The following SCN2A variants were observed in gnomAD, a reference collection of about 807,000 sequenced individuals.
SCN2A encodes the protein sodium voltage-gated channel alpha subunit 2.
Under a neutral mutation model 188.7 loss-of-function variants are expected in SCN2A, and 20 were observed. The ratio of observed to expected loss-of-function variants is 0.11; its 90% CI spans 0.07 to 0.15. The LOEUF (loss-of-function observed/expected upper bound fraction) is 0.15, where lower values mean the gene tolerates loss of function less well. SCN2A is among the 10% of genes least tolerant of loss of function. The probability of loss-of-function intolerance (pLI) is 1.00; values close to 1 mark genes in which losing one functional copy is unlikely to be tolerated. For synonymous variants in SCN2A, 804 were observed against 833.1 expected (o/e 0.97, Z 0.60); for missense variants, 1,278 against 2,445.0 (o/e 0.52, Z 10.07).
At position 165,310,621 on chromosome 2, in the gene SCN2A, A is replaced by G. The variant is rs774041625; in HGVS notation, c.970+26A>G. The G allele has an allele frequency of 3.3e-6, 5 of 1,532,866 alleles. No individual in the cohort carries two copies. The Admixed American group carries it at 7.0e-5, about 22-fold the overall frequency. 95.0% of individuals were successfully genotyped at this position (1,532,866 alleles called of 1,614,324 possible). A position where few individuals can be genotyped will look rare whatever the true frequency, so the allele number is the denominator to read the frequency against. On this transcript the variant is annotated intron_variant, in intron 7 of 26. Coordinates refer to ENST00000375437, the MANE Select transcript of SCN2A (RefSeq NM_001040142.2). ...GTAAGATATACTCTATAAACCATTA[A>G]GTTGTTTAGTTCTCTAAATATTAAA...
chr2:165,286,859 A>G (rs187179462), intron 1 of SCN2A, among the ~76,000 whole-genome samples: 3 of 152,288 alleles, frequency 2.0e-5, no homozygotes, highest in Non-Finnish European at 2.9e-5. Flanking sequence ...GGTGTGTCCA[A>G]TTCTTTCATC....
At chr2:165,249,784 A>G (rs909373280) in intron 1 of SCN2A, among the ~76,000 whole-genome samples, 2 of 152,100 alleles carry the variant, frequency 1.3e-5, no homozygotes, top group Non-Finnish European at 2.9e-5. Context: ...TGTCTATACT[A>G]CTTGATTTAT....
intron 16 of SCN2A, among the ~76,000 whole-genome samples, chr2:165,345,953 C>G (rs1479548671): frequency 1.3e-5 from 2 of 152,068 alleles, no homozygotes; most frequent in African/African-American, 4.8e-5. Context: ...GATTTTATTT[C>G]TCCTTTGCTT....
chr2:165,311,520 A>C (rs1306332620), intron 7 of SCN2A, among the ~76,000 whole-genome samples: 1 of 152,176 alleles, frequency 6.6e-6, no homozygotes, highest in Non-Finnish European at 1.5e-5. Flanking sequence ...TATTTACAGT[A>C]TCATAAGAGG....
At chr2:165,386,410 G>A (rs1291914244) in intron 25 of SCN2A, among the ~76,000 whole-genome samples, 1 of 152,014 alleles carries the variant, frequency 6.6e-6, no homozygotes, top group Non-Finnish European at 1.5e-5. Context: ...GTTGCAGTGA[G>A]CCAAGATCGT....
intron 1 of SCN2A, among the ~76,000 whole-genome samples, chr2:165,252,346 T>C (rs1323099887): frequency 6.6e-6 from 1 of 152,056 alleles, no homozygotes. Context: ...ATCATACAAG[T>C]TAACTGAAAA....
chr2:165,261,625 T>C (rs1694600653), intron 1 of SCN2A, among the ~76,000 whole-genome samples: 1 of 152,196 alleles, frequency 6.6e-6, no homozygotes, highest in African/African-American at 2.4e-5. Flanking sequence ...TTGAGATCAA[T>C]TTGGGACGTC....
chr2:165,382,785 G>A lies in SCN2A; in HGVS notation c.4551+1588G>A, dbSNP rs75135624. ...TATGAAATGTCCAGACTGAAATAAG[G>A]ATTTTAGCATTGTCAGAACAAAATT... On this transcript the variant is annotated intron_variant, in intron 25 of 26. Coordinates refer to ENST00000375437, the MANE Select transcript of SCN2A (RefSeq NM_001040142.2). Among the ~76,000 whole-genome samples, 429 of 152,248 alleles carry A rather than the reference G, an allele frequency of 2.8e-3. 2 individuals carry two copies. Among genetic ancestry groups the A allele is most frequent in the Middle Eastern group, 0.01 (3 of 294 alleles).
In SCN2A at chr2:165,290,760, A is replaced by G. The variant is rs902827490; in HGVS notation, c.-51-5013A>G. 1.1e-4 allele frequency: 107 copies of G among 985,230 alleles called. No individual in the cohort carries two copies. The African/African-American group carries it at 1.7e-3, about 16-fold the overall frequency. 61.0% of individuals were successfully genotyped at this position (985,230 alleles called of 1,614,324 possible). A position where few individuals can be genotyped will look rare whatever the true frequency, so the allele number is the denominator to read the frequency against. On this transcript the variant is annotated intron_variant, in intron 1 of 26. Transcript: ENST00000375437. ...ATATTGTGCGCTTGATTGCAGTAGG[A>G]CAACTTACTATGGGGAAGGAATCTT... is the stretch of plus-strand genomic sequence containing the variant.
intron 25 of SCN2A, among the ~76,000 whole-genome samples, chr2:165,381,935 A>T (rs1701624897): frequency 6.6e-6 from 1 of 152,036 alleles, no homozygotes; most frequent in African/African-American, 2.4e-5. Flanking sequence ...GTTTCTCAGA[A>T]ATCTTGACTC....
intron 11 of SCN2A, among the ~76,000 whole-genome samples, chr2:165,320,709 T>G (rs1366790922): frequency 6.6e-6 from 1 of 152,204 alleles, no homozygotes; most frequent in Non-Finnish European, 1.5e-5. Flanking sequence ...AGCTCTACAT[T>G]TGCCCCTTTC....
At chr2:165,266,251 C>A (rs1370358054) in intron 1 of SCN2A, among the ~76,000 whole-genome samples, 2 of 152,010 alleles carry the variant, frequency 1.3e-5, no homozygotes, top group African/African-American at 4.8e-5. Flanking sequence ...TATTCACCAC[C>A]ACCAACACTC....
At position 165,354,674 on chromosome 2, in the gene SCN2A, A is replaced by G. The variant is rs1158960337; in HGVS notation, c.3399+3A>G. The G allele has an allele frequency of 6.2e-7, 1 of 1,612,646 alleles. No individual in the cohort carries two copies. Among genetic ancestry groups the G allele is most frequent in the Non-Finnish European group, 8.5e-7 (1 of 1,179,720 alleles). ...CAGATATGGAGGAAAGCAAAGAGGTAAAAATGTTTAAATAAGGAGATATTT... is the reference window on the plus strand; with the variant it reads ...CAGATATGGAGGAAAGCAAAGAGGTGAAAATGTTTAAATAAGGAGATATTT... On this transcript the variant is annotated splice_donor_region_variant and intron_variant, in intron 17 of 26. Coordinates refer to ENST00000375437, the MANE Select transcript of SCN2A (RefSeq NM_001040142.2).
At chr2:165,274,782 C>T (rs536483482) in intron 1 of SCN2A, among the ~76,000 whole-genome samples, 3 of 152,320 alleles carry the variant, frequency 2.0e-5, no homozygotes, top group Non-Finnish European at 2.9e-5. Flanking sequence ...CTTTTCATAT[C>T]CGTAAAGCTG....
At chr2:165,345,872 C>A (rs189457912) in intron 16 of SCN2A, among the ~76,000 whole-genome samples, 1 of 151,836 alleles carries the variant, frequency 6.6e-6, no homozygotes, top group Non-Finnish European at 1.5e-5. Context: ...ATATTTAGTG[C>A]TTCCTTCAGG....
At chr2:165,280,758 G>A (rs989832944) in intron 1 of SCN2A, among the ~76,000 whole-genome samples, 3 of 152,086 alleles carry the variant, frequency 2.0e-5, no homozygotes, top group African/African-American at 7.2e-5. Context: ...ATCCAGACCT[G>A]CAGCTTTACC....
In SCN2A at chr2:165,250,007, A is replaced by G. The variant is rs554053245; in HGVS notation, c.-52+10367A>G. Among the ~76,000 whole-genome samples the G allele has an allele frequency of 2.0e-5, 3 of 152,138 alleles. No homozygotes were observed. The South Asian group carries it at 6.2e-4, about 32-fold the overall frequency. ...CTAACTCAAACGTCACTTCCTTTAT[A>G]ATGTTCTCTCTGTTTTCACATGCAG... On this transcript the variant is annotated intron_variant, in intron 1 of 26. Coordinates refer to ENST00000375437, the MANE Select transcript of SCN2A (RefSeq NM_001040142.2).
intron 3 of SCN2A, among the ~76,000 whole-genome samples, chr2:165,299,951 T>C (rs1428645451): frequency 1.3e-5 from 2 of 152,238 alleles, no homozygotes; most frequent in African/African-American, 4.8e-5. Flanking sequence ...AGCTGTTATC[T>C]ATTAGGAGCT....
rs540994733 is a variant in SCN2A at position 165,367,262 on chromosome 2, G to A, written c.3566G>A (p.Gly1189Asp). Residue 1189 changes from glycine (G) to aspartate (D), a missense_variant, in exon 19 of 27, where the codon GGC becomes GAC. Physicochemically the swap from Gly to Asp is moderately conservative, Grantham distance 94. Around this residue, in one of 17 missense-constraint regions of SCN2A, gnomAD observed 228 missense variants for 297.3 expected, o/e 0.77. Coordinates refer to ENST00000375437, the MANE Select transcript of SCN2A (RefSeq NM_001040142.2). ...FKCCQISIEE[G>D]KGKLWWNLRK... The stretch of plus-strand genomic sequence containing the variant: ...TGTTGTCAGATAAGCATAGAAGAAG[G>A]CAAAGGGAAACTCTGGTGGAATTTG... The A allele has an allele frequency of 2.4e-5, 39 of 1,613,990 alleles. No homozygotes were observed. In the South Asian group the frequency reaches 2.7e-4, roughly 11 times the overall value.
Sources: allele counts gnomAD v4.1 joint callset (sites outside exome capture counted in the v4.1 genomes callset), GRCh38; gene constraint gnomAD v4.1.1; regional missense constraint gnomAD v4.1.1; transcripts MANE v1.5; gene names NCBI Gene and HGNC (gene_info 2026-07-23, HGNC 2026-07-21).